CNIH2: variants seen among roughly 807,000 people sequenced by gnomAD.
CNIH2 encodes the protein protein cornichon homolog 2.
In CNIH2, 8 loss-of-function variants were observed where a neutral mutation model predicts 22.9. The observed-to-expected ratio is 0.35, with a 90% CI of 0.20 to 0.63. CNIH2 has a LOEUF of 0.63. CNIH2 is among the 30% of genes least tolerant of loss of function. CNIH2 has a pLI of 0.72. For missense variants in CNIH2, 105 were observed against 206.2 expected (o/e 0.51, Z 3.01); for synonymous variants, 74 against 78.2 (o/e 0.95, Z 0.28).
At chr11:66,280,752 A>G (rs1362461425) in intron 1 of CNIH2, among the ~76,000 whole-genome samples, 1 of 152,056 alleles carries the variant, frequency 6.6e-6, no homozygotes, top group Non-Finnish European at 1.5e-5. Context: ...CCCAGAGTCA[A>G]TGGGGAGCTG....
chr11:66,283,445 C>G (rs751735071), intron 5 of CNIH2, 54 bp downstream of exon 5: 1 of 1,611,414 alleles, frequency 6.2e-7, no homozygotes, highest in Non-Finnish European at 8.5e-7. Context: ...CCCAGCATCA[C>G]GCTTCCAATC....
At chr11:66,279,994 C>G (rs1357208492) in intron 1 of CNIH2, among the ~76,000 whole-genome samples, 2 of 152,186 alleles carry the variant, frequency 1.3e-5, no homozygotes, top group Non-Finnish European at 2.9e-5. Flanking sequence ...GGGCCACAGG[C>G]TAGGGAATGC....
At chr11:66,281,693 C>T in intron 1 of CNIH2, 2 of 353,090 alleles carry the variant, frequency 5.7e-6, no homozygotes, top group South Asian at 4.2e-5. Flanking sequence ...TCACGCCAGC[C>T]CCATGAAACC....
rs1010679573 is a variant in CNIH2, at chr11:66,283,696, G to A, written c.*99G>A. 6 of 1,370,132 alleles carry A rather than the reference G, an allele frequency of 4.4e-6. No individual in the cohort carries two copies. The African/African-American group carries it at 7.3e-5, about 17-fold the overall frequency. 84.9% of individuals were successfully genotyped at this position (1,370,132 alleles called of 1,614,324 possible). Reference sequence around the variant, plus strand: ...CAGAGGCCTCAGCCCTGGGGAGGGAGGGGGCACTGGTGCCCCCAGCCTCTC... The same window carrying A: ...CAGAGGCCTCAGCCCTGGGGAGGGAAGGGGCACTGGTGCCCCCAGCCTCTC... On this transcript the variant is annotated 3_prime_UTR_variant, in exon 6 of 6. Coordinates refer to ENST00000311445, the MANE Select transcript of CNIH2 (RefSeq NM_182553.3).
intron 1 of CNIH2, among the ~76,000 whole-genome samples, chr11:66,281,104 C>A (rs1049877377): frequency 2.6e-5 from 4 of 152,196 alleles, no homozygotes; most frequent in African/African-American, 9.7e-5. Flanking sequence ...TGGAGTCTGG[C>A]TCCTAAAGAG....
intron 1 of CNIH2, among the ~76,000 whole-genome samples, chr11:66,279,136 G>T (rs982017515): frequency 5.3e-5 from 8 of 150,758 alleles, no homozygotes; most frequent in African/African-American, 2.0e-4. Flanking sequence ...CCTGTTGGGG[G>T]CTTCCCAGCC....
intron 1 of CNIH2, 117 bp downstream of exon 1, chr11:66,278,654 CGTCGGCTT>C: frequency 1.5e-6 from 1 of 671,530 alleles, no homozygotes; most frequent in South Asian, 3.1e-5. Flanking sequence ...ATCCCCCAGC[CGTCGGCTT>C]GTCGGCTTCG....
At chr11:66,282,561 G>A in intron 2 of CNIH2, 172 bp from the exon 3 acceptor site, 3 of 860,100 alleles carry the variant, frequency 3.5e-6, no homozygotes, top group Non-Finnish European at 5.5e-6. Flanking sequence ...GCGGGTGAAG[G>A]CCCTTCCATG....
At position 66,283,668 on chromosome 11, in the gene CNIH2, C is replaced by T; in HGVS notation, c.*71C>T. The T allele has an allele frequency of 9.2e-6, 14 of 1,518,184 alleles. No homozygotes were observed. Among genetic ancestry groups the T allele is most frequent in the Non-Finnish European group, 1.2e-5 (14 of 1,120,158 alleles). The allele number at this position is 1,518,184 out of a possible 1,614,324, so 94.0% of individuals were successfully genotyped here. ...GTGCACCCCCAGCCCTGCCCCTTGG[C>T]CGCAGAGGCCTCAGCCCTGGGGAGG... On this transcript the variant is annotated 3_prime_UTR_variant, in exon 6 of 6. Coordinates refer to ENST00000311445, the MANE Select transcript of CNIH2 (RefSeq NM_182553.3).
chr11:66,278,726 G>A (rs1339071349), intron 1 of CNIH2, among the ~76,000 whole-genome samples, 189 bp downstream of exon 1: 1 of 97,522 alleles, frequency 1.0e-5, no homozygotes, highest in Non-Finnish European at 2.1e-5. Context: ...CCCTTCCTCC[G>A]CCGCCCCCGC....
chr11:66,282,748 A>C lies in CNIH2; in HGVS notation c.166A>C (p.Asn56His), dbSNP rs768647319. ...CCCCCAACAGCGCGAGCGTTTAAAA[A>C]ACATCGAACGCATCTGCTGCCTCCT... ...NPARARERLK[N>H]IERICCLLRK... is the part of the protein sequence containing the mutation. Residue 56 changes from asparagine (N) to histidine (H), a missense_variant, in exon 3 of 6, where the codon AAC (asparagine) becomes CAC (histidine). Coordinates refer to ENST00000311445, the MANE Select transcript of CNIH2 (RefSeq NM_182553.3). The C allele has an allele frequency of 6.2e-7, 1 of 1,613,596 alleles. No homozygotes were observed. The highest frequency in any genetic ancestry group is 8.5e-7 in the Non-Finnish European group (1 of 1,179,948).
rs138296959 is a variant in CNIH2, at chr11:66,282,306, C to A, written c.129C>A (p.Asp43Glu). Residue 43 changes from aspartate (D) to glutamate (E), a missense_variant, in exon 2 of 6, where the codon GAC becomes GAA. Physicochemically the swap from Asp to Glu is conservative, Grantham distance 45. Transcript: ENST00000311445. The stretch of plus-strand genomic sequence containing the variant: ...GGACCGACTTCAAGAACCCCATCGA[C>A]CAGGGGAACCCTGCGCGGGCAGTAA... ...ELRTDFKNPI[D>E]QGNPARARER... 9 of 1,613,648 alleles carry A rather than the reference C, an allele frequency of 5.6e-6. No homozygotes were observed. The highest frequency in any genetic ancestry group is 1.6e-4 in the Middle Eastern group (1 of 6,084).
At chr11:66,283,439 G>C in intron 5 of CNIH2, 48 bp downstream of exon 5, 1 of 1,612,236 alleles carries the variant, frequency 6.2e-7, no homozygotes, top group South Asian at 1.1e-5. Context: ...GGATGTCCCA[G>C]CATCACGCTT....
At chr11:66,282,158 C>T (rs1206600564) in intron 1 of CNIH2, 101 bp from the exon 2 acceptor site, 1 of 1,045,356 alleles carries the variant, frequency 9.6e-7, no homozygotes, top group African/African-American at 1.6e-5. Context: ...GCAACAAGCT[C>T]CACCTGGCTG....
chr11:66,278,685 C>A (rs951609137), intron 1 of CNIH2, 148 bp downstream of exon 1: 2 of 432,786 alleles, frequency 4.6e-6, no homozygotes, highest in African/African-American at 2.2e-5. Flanking sequence ...CCCATTAACA[C>A]CCCCCGTGGT....
At chr11:66,282,688 C>T (rs1235609525) in intron 2 of CNIH2, 45 bp from the exon 3 acceptor site, 8 of 1,611,162 alleles carry the variant, frequency 5.0e-6, no homozygotes, top group Non-Finnish European at 6.8e-6. Flanking sequence ...GCTCCAGTAC[C>T]TGCTTCTCCG....
At chr11:66,282,158 C>G in intron 1 of CNIH2, 101 bp from the exon 2 acceptor site, 1 of 1,045,356 alleles carries the variant, frequency 9.6e-7, no homozygotes, top group East Asian at 2.4e-5. Context: ...GCAACAAGCT[C>G]CACCTGGCTG....
chr11:66,281,003 C>A (rs1188267901), intron 1 of CNIH2, among the ~76,000 whole-genome samples: 3 of 152,174 alleles, frequency 2.0e-5, no homozygotes, highest in South Asian at 4.1e-4. Flanking sequence ...TGGAGAGTTT[C>A]CACCCGTGAG....
Position 66,283,338 on chromosome 11 carries a change from G to A in CNIH2, c.402G>A (p.Glu134=), listed in dbSNP as rs779872589. ...ACATTCTCAACTACTGCCAGAAGGA[G>A]TCCTGGTGCAAACTTGCCTTCTACC... The part of the protein sequence containing the change: ...NADILNYCQK[E]SWCKLAFYLL... Residue 134 remains glutamate (E), a synonymous_variant, in exon 5 of 6, where the codon GAG becomes GAA. Coordinates refer to ENST00000311445, the MANE Select transcript of CNIH2 (RefSeq NM_182553.3). 7 of 1,614,184 alleles carry A rather than the reference G, an allele frequency of 4.3e-6. No homozygotes were observed. In the Admixed American group the frequency reaches 6.7e-5, roughly 15 times the overall value.
Sources: gnomAD v4.1 joint callset for allele counts (sites outside exome capture counted in the v4.1 genomes callset) on GRCh38, gnomAD v4.1.1 for gene constraint, MANE v1.5 for transcripts, NCBI Gene and HGNC (gene_info 2026-07-23, HGNC 2026-07-21) for gene names.